The following LRRTM4 variants were observed in gnomAD, a reference collection of about 807,000 sequenced individuals.
The protein encoded by LRRTM4 is leucine rich repeat transmembrane neuronal 4.
A neutral mutation model predicts 47.6 loss-of-function variants in LRRTM4; 25 were observed. That is an observed-to-expected ratio of 0.53 (90% CI 0.38 to 0.73). The LOEUF is 0.73. LRRTM4 is among the 30% of genes least tolerant of loss of function. LRRTM4 has a pLI of 0.00. For missense variants in LRRTM4, 638 were observed against 713.4 expected (o/e 0.89, Z 1.20); for synonymous variants, 311 against 269.5 (o/e 1.15, Z -1.51).
At chr2:77,414,610 A>G (rs1414025527) in intron 3 of LRRTM4, among the ~76,000 whole-genome samples, 4 of 152,200 alleles carry the variant, frequency 2.6e-5, no homozygotes, top group Non-Finnish European at 4.4e-5. Flanking sequence ...TCAGTAACGG[A>G]TGTGCTTTTT....
At chr2:76,818,386 T>G (rs1573163332) in intron 3 of LRRTM4, among the ~76,000 whole-genome samples, 1 of 151,828 alleles carries the variant, frequency 6.6e-6, no homozygotes, top group Middle Eastern at 3.4e-3. Context: ...AATAATAAAG[T>G]GCATGAAAGC....
intron 3 of LRRTM4, among the ~76,000 whole-genome samples, chr2:76,960,161 C>A (rs1675806526): frequency 6.6e-6 from 1 of 151,396 alleles, no homozygotes; most frequent in South Asian, 2.1e-4. Flanking sequence ...TTATCACATT[C>A]TACCATATTT....
At chr2:76,796,564 C>G (rs368703427) in intron 3 of LRRTM4, among the ~76,000 whole-genome samples, 1 of 121,020 alleles carries the variant, frequency 8.3e-6, no homozygotes, top group African/African-American at 3.7e-5. Context: ...ACACCTCACA[C>G]GGCAGGGTAT....
chr2:76,900,575 T>C (rs1349286259), intron 3 of LRRTM4, among the ~76,000 whole-genome samples: 1 of 152,120 alleles, frequency 6.6e-6, no homozygotes, highest in Non-Finnish European at 1.5e-5. Flanking sequence ...ATTTCTTAAA[T>C]AAATAAATGA....
intron 3 of LRRTM4, among the ~76,000 whole-genome samples, chr2:77,057,289 A>G (rs577798365): frequency 7.2e-5 from 11 of 152,338 alleles, no homozygotes; most frequent in Non-Finnish European, 1.6e-4. Flanking sequence ...ATAAGTTACC[A>G]TAAAACATAT....
intron 3 of LRRTM4, among the ~76,000 whole-genome samples, chr2:77,277,986 T>TC: frequency 6.6e-6 from 1 of 151,872 alleles, no homozygotes; most frequent in Admixed American, 6.6e-5. Context: ...CTCTGTCTCT[T>TC]TCTCTCTCTT....
At chr2:76,922,909 G>T (rs1006294482) in intron 3 of LRRTM4, among the ~76,000 whole-genome samples, 2 of 151,966 alleles carry the variant, frequency 1.3e-5, no homozygotes, top group Admixed American at 1.3e-4. Flanking sequence ...AAACAAAATG[G>T]AAGTGTCATG....
intron 3 of LRRTM4, among the ~76,000 whole-genome samples, chr2:77,460,983 C>T (rs12614202): frequency 0.39 from 59,244 of 151,848 alleles, 12,049 homozygotes; most frequent in East Asian, 0.62. Context: ...ATTTTAAAGA[C>T]CTTGAAAATT....
intron 3 of LRRTM4, among the ~76,000 whole-genome samples, chr2:77,428,374 G>A (rs1675210882): frequency 6.6e-6 from 1 of 152,118 alleles, no homozygotes; most frequent in Non-Finnish European, 1.5e-5. Flanking sequence ...AAGGACATTA[G>A]GATACATATG....
chr2:77,060,584 C>A (rs1306623594), intron 3 of LRRTM4, among the ~76,000 whole-genome samples: 2 of 151,924 alleles, frequency 1.3e-5, no homozygotes, highest in Non-Finnish European at 2.9e-5. Context: ...GATAATTTAA[C>A]AATTATTTTT....
chr2:77,521,643 A>G, intron 2 of LRRTM4, 25 bp downstream of exon 2: 2 of 1,612,352 alleles, frequency 1.2e-6, no homozygotes, highest in Non-Finnish European at 1.7e-6. Flanking sequence ...CTTTGCTCAG[A>G]AGGAAACAAC....
At chr2:77,051,586 A>G (rs935150322) in intron 3 of LRRTM4, among the ~76,000 whole-genome samples, 1 of 152,158 alleles carries the variant, frequency 6.6e-6, no homozygotes, top group African/African-American at 2.4e-5. Flanking sequence ...CATGTGTGTG[A>G]GTGTGCTCCT....
chr2:76,821,935 C>G (rs1402966911), intron 3 of LRRTM4, among the ~76,000 whole-genome samples: 2 of 151,554 alleles, frequency 1.3e-5, no homozygotes, highest in East Asian at 1.9e-4. Context: ...TATGTTGGAA[C>G]AGAGTCCAAT....
chr2:76,869,881 A>C (rs1267140466), intron 3 of LRRTM4, among the ~76,000 whole-genome samples: 1 of 152,194 alleles, frequency 6.6e-6, no homozygotes, highest in East Asian at 1.9e-4. Flanking sequence ...TATTATTTTT[A>C]ATTTTTAACA....
intron 3 of LRRTM4, among the ~76,000 whole-genome samples, chr2:76,966,055 A>G (rs181174139): frequency 2.0e-5 from 3 of 151,634 alleles, no homozygotes; most frequent in Admixed American, 1.3e-4. Flanking sequence ...TATGACAACA[A>G]TTTTAGGAAA....
intron 3 of LRRTM4, among the ~76,000 whole-genome samples, chr2:77,275,737 A>T (rs534901030): frequency 3.3e-5 from 5 of 152,212 alleles, no homozygotes; most frequent in African/African-American, 7.2e-5. Context: ...AAGCTTGAAC[A>T]TTGCTTTTAA....
At chr2:76,971,478 G>A (rs1361144884) in intron 3 of LRRTM4, among the ~76,000 whole-genome samples, 1 of 152,048 alleles carries the variant, frequency 6.6e-6, no homozygotes, top group Non-Finnish European at 1.5e-5. Context: ...CTGCATCAGG[G>A]AACCTGGGAG....
intron 3 of LRRTM4, among the ~76,000 whole-genome samples, chr2:76,797,259 C>A (rs372436920): frequency 6.6e-6 from 1 of 151,992 alleles, no homozygotes; most frequent in African/African-American, 2.4e-5. Flanking sequence ...AGACAAACAG[C>A]GGATCTCTCA....
chr2:77,444,977 GA>G (rs59871120), intron 3 of LRRTM4, among the ~76,000 whole-genome samples: 61,077 of 136,942 alleles, frequency 0.45, 13,111 homozygotes, highest in Middle Eastern at 0.58. Context: ...ACACGATCCG[GA>G]AAAAAAAAAA....
Sources: gnomAD v4.1 joint callset for allele counts (sites outside exome capture counted in the v4.1 genomes callset) on GRCh38, gnomAD v4.1.1 for gene constraint, MANE v1.5 for transcripts, NCBI Gene and HGNC (gene_info 2026-07-23, HGNC 2026-07-21) for gene names.